The following GSN variants were observed in gnomAD, a reference collection of about 807,000 sequenced individuals.
GSN encodes gelsolin, also known as actin-depolymerizing factor.
Under a neutral mutation model 85.7 loss-of-function variants are expected in GSN, and 56 were observed. That is an observed-to-expected ratio of 0.65 (90% CI 0.53 to 0.82). The LOEUF is 0.82. Ranked by LOEUF, GSN falls within the 40% of genes least tolerant of loss-of-function variation. The pLI is 0.00. For missense variants in GSN, 857 were observed against 979.8 expected (o/e 0.87, Z 1.67); for synonymous variants, 373 against 399.1 (o/e 0.93, Z 0.78).
At chr9:121,310,290 T>C (rs987957219) in intron 4 of GSN, 1 of 326,914 alleles carries the variant, frequency 3.1e-6, no homozygotes, top group Non-Finnish European at 5.9e-6. Flanking sequence ...CAGAATGTCT[T>C]AGGGGACTAG....
chr9:121,215,215 ACC>A (rs35261410), intron 4 of GSN, among the ~76,000 whole-genome samples: 1,564 of 131,992 alleles, frequency 0.012, 37 homozygotes, highest in African/African-American at 0.037. Context: ...TGAATTAAGG[ACC>A]CCCCCCCCCA....
chr9:121,220,765 A>G (rs1256071290), intron 4 of GSN, among the ~76,000 whole-genome samples: 1 of 152,332 alleles, frequency 6.6e-6, no homozygotes, highest in African/African-American at 2.4e-5. Context: ...TGCAATTCCA[A>G]TCTCCCTTTC....
At chr9:121,228,424 ATTTTTTTTTTTT>A (rs869071386) in intron 4 of GSN, among the ~76,000 whole-genome samples, 39 of 48,072 alleles carry the variant, frequency 8.1e-4, no homozygotes, top group African/African-American at 2.2e-3. Flanking sequence ...ATATATATAT[ATTTTTTTTTTTT>A]TTTTTTTTTT....
upstream of GSN, among the ~76,000 whole-genome samples, chr9:121,266,703 T>C (rs1490377024): frequency 2.0e-5 from 3 of 152,190 alleles, no homozygotes; most frequent in Non-Finnish European, 4.4e-5. Context: ...GGGCTTGGCC[T>C]GCTCATCTGA....
In GSN at chr9:121,318,380, C is replaced by A; in HGVS notation, c.887-26C>A. 6.3e-7 allele frequency: 1 copy of A among 1,596,136 alleles called. No individual in the cohort carries two copies. Among genetic ancestry groups the A allele is most frequent in the Non-Finnish European group, 8.6e-7 (1 of 1,163,712 alleles). Reference sequence around the variant, plus strand: ...AGCAGGATCCCGGGCCTCTAACCCTCCATCACTTCCTCTGGCTGCCAACAG... The same window carrying A: ...AGCAGGATCCCGGGCCTCTAACCCTACATCACTTCCTCTGGCTGCCAACAG... On this transcript the variant is annotated intron_variant, in intron 8 of 17. Transcript: ENST00000432226. The surrounding 1 kb of genome is among the most constrained non-coding windows in gnomAD (Gnocchi z 4.3).
intron 6 of GSN, among the ~76,000 whole-genome samples, chr9:121,259,840 G>C (rs929598977): frequency 6.6e-6 from 1 of 152,216 alleles, no homozygotes; most frequent in East Asian, 1.9e-4. Context: ...AGAGATCACA[G>C]CTTGCTGCTG....
At chr9:121,280,984 G>C (rs776101466) in intron 1 of GSN, 2 of 154,342 alleles carry the variant, frequency 1.3e-5, no homozygotes, top group Non-Finnish European at 2.9e-5. Context: ...TTGACTGATT[G>C]TCTAATTCTG....
intron 6 of GSN, among the ~76,000 whole-genome samples, chr9:121,250,872 G>GGGGTGTGT (rs1442699606): frequency 2.2e-5 from 3 of 135,018 alleles, no homozygotes; most frequent in Non-Finnish European, 3.2e-5. Flanking sequence ...GCCTGCTTGG[G>GGGGTGTGT]GTGTGTGTGT....
At chr9:121,221,504 G>A (rs1237282387) in intron 4 of GSN, among the ~76,000 whole-genome samples, 1 of 152,160 alleles carries the variant, frequency 6.6e-6, no homozygotes, top group African/African-American at 2.4e-5. Flanking sequence ...ATGTTTCTCT[G>A]GGACATGTTT....
chr9:121,300,189 CT>C, intron 2 of GSN: 1 of 1,136,692 alleles, frequency 8.8e-7, no homozygotes, highest in Non-Finnish European at 1.3e-6. Flanking sequence ...CCTCGGGGCC[CT>C]GGCTGTTCCT....
In GSN at chr9:121,294,221, C is replaced by T. The variant is rs976665130; in HGVS notation, c.-9-7742C>T. Among the ~76,000 whole-genome samples the T allele has an allele frequency of 5.3e-5, 8 of 152,302 alleles. No individual in the cohort carries two copies. The South Asian group carries it at 6.2e-4, about 12-fold the overall frequency. ...TCTCCAAAGTCTTCTGCTGGTTCCA[C>T]GGTCCCAGCATCTGCAGCCAGGCCT... On this transcript the variant is annotated intron_variant, in intron 2 of 17. Transcript: ENST00000432226.
intron 2 of GSN, chr9:121,282,204 C>T (rs1274633808): frequency 1.8e-6 from 1 of 548,898 alleles, no homozygotes; most frequent in Non-Finnish European, 3.4e-6. Context: ...CTCGGTTTCT[C>T]CACCTGTAGG....
In GSN at chr9:121,328,930, G is replaced by T; in HGVS notation, c.1802G>T (p.Arg601Leu). Residue 601 changes from arginine to leucine, a missense_variant, in exon 15 of 18, where the codon CGC (arginine) becomes CTC (leucine). Coordinates refer to ENST00000432226, the MANE Select transcript of GSN (RefSeq NM_198252.3). ...GCCCTGGGCGGGAAGGCTGCCTACC[G>T]CACATCCCCACGGCTGAAGGACAAG... is the stretch of plus-strand genomic sequence containing the variant. ...WEALGGKAAYRTSPRLKDKKM... is the reference protein window; with the variant it reads ...WEALGGKAAYLTSPRLKDKKM... 3 of 1,613,432 alleles carry T rather than the reference G, an allele frequency of 1.9e-6. No individual in the cohort carries two copies. Among genetic ancestry groups the T allele is most frequent in the South Asian group, 1.1e-5 (1 of 91,074 alleles).
the GSN span, chr9:121,201,495 C>A: frequency 7.9e-4 from 120 of 152,492 alleles, no homozygotes; most frequent in African/African-American, 2.8e-3. Context: ...CGCCGACCCA[C>A]GGGCTAGCCA....
At chr9:121,317,365 C>A in intron 8 of GSN, 147 bp downstream of exon 8, 2 of 873,514 alleles carry the variant, frequency 2.3e-6, no homozygotes, top group South Asian at 1.3e-5. Flanking sequence ...CTTGGTTTTG[C>A]ATTTGACATA....
chr9:121,314,533 A>G (rs1365946486), intron 7 of GSN, among the ~76,000 whole-genome samples: 2 of 152,192 alleles, frequency 1.3e-5, no homozygotes, highest in Non-Finnish European at 2.9e-5. Context: ...GCTCAATCAC[A>G]CTTACGTTGT....
the GSN span, among the ~76,000 whole-genome samples, chr9:121,202,039 G>A: frequency 6.6e-6 from 1 of 152,218 alleles, no homozygotes; most frequent in Non-Finnish European, 1.5e-5. Flanking sequence ...TCGCGCCGCC[G>A]CTGAGGCCCG....
At chr9:121,288,008 C>T (rs1483043028) in intron 2 of GSN, among the ~76,000 whole-genome samples, 1 of 152,090 alleles carries the variant, frequency 6.6e-6, no homozygotes, top group Non-Finnish European at 1.5e-5. Context: ...CTCACTGCAG[C>T]CTCAACTTCC....
chr9:121,289,258 A>AC (rs1307908298), intron 2 of GSN, among the ~76,000 whole-genome samples: 6 of 151,432 alleles, frequency 4.0e-5, no homozygotes, highest in Non-Finnish European at 7.4e-5. Context: ...GGCCAGAGTA[A>AC]CCCCCCGCCA....
Sources: allele counts gnomAD v4.1 joint callset (sites outside exome capture counted in the v4.1 genomes callset), GRCh38; gene constraint gnomAD v4.1.1; non-coding constraint Gnocchi (gnomAD v3.1); transcripts MANE v1.5; gene names NCBI Gene and HGNC (gene_info 2026-07-23, HGNC 2026-07-21).